Variants in CDK5RAP1 observed in about 807,000 individuals in gnomAD.
The protein encoded by CDK5RAP1 is mitochondrial tRNA methylthiotransferase CDK5RAP1.
A neutral mutation model predicts 64.5 loss-of-function variants in CDK5RAP1; 62 were observed. The observed-to-expected ratio is 0.96, with a 90% CI of 0.78 to 1.19. CDK5RAP1 has a LOEUF of 1.19. Among genes scored for constraint, CDK5RAP1 ranks in the 50% most tolerant of loss-of-function variants. CDK5RAP1 has a pLI of 0.00. For missense variants in CDK5RAP1, 657 were observed against 735.0 expected (o/e 0.89, Z 1.23); for synonymous variants, 250 against 261.9 (o/e 0.95, Z 0.44).
In CDK5RAP1 at chr20:33,363,381, T is replaced by C. The variant is rs78833831; in HGVS notation, c.1543-2890A>G. 9.6e-3 allele frequency among the ~76,000 whole-genome samples: 1,465 copies of C among 152,312 alleles called. 22 individuals carry two copies. Among genetic ancestry groups the C allele is most frequent in the African/African-American group, 0.034 (1,399 of 41,576 alleles). ...TACATGGGGTCTCAGGATTAGATGG[T>C]AGTAATCTAACAAGGTTAATTTCCT... On this transcript the variant is annotated intron_variant, in intron 12 of 13. Coordinates refer to ENST00000346416, the MANE Select transcript of CDK5RAP1 (RefSeq NM_016408.4).
At chr20:33,375,453 A>G (rs1193065064) in intron 8 of CDK5RAP1, among the ~76,000 whole-genome samples, 1 of 151,948 alleles carries the variant, frequency 6.6e-6, no homozygotes, top group Non-Finnish European at 1.5e-5. Flanking sequence ...AAGAGAACAC[A>G]TTCCAGTCTC....
Position 33,361,975 on chromosome 20 carries a change from A to AG in CDK5RAP1, c.1543-1485dup, listed in dbSNP as rs1491302706. On this transcript the variant is annotated intron_variant, in intron 12 of 13. Transcript: ENST00000346416. ...AGTCTCAAAAAAAAAAAAAAAAAAA[A>AG]GGAAGGAAGGGAGAGAGGGAGGGAA... Among the ~76,000 whole-genome samples the AG allele has an allele frequency of 2.1e-3, 300 of 144,210 alleles. 2 individuals are homozygous for AG. The highest frequency in any genetic ancestry group is 7.0e-3 in the Middle Eastern group (2 of 284). 94.6% of individuals were successfully genotyped at this position (144,210 alleles called of 152,430 possible).
chr20:33,401,203 A>T (rs771112412), intron 1 of CDK5RAP1, among the ~76,000 whole-genome samples: 21 of 152,246 alleles, frequency 1.4e-4, no homozygotes, highest in Non-Finnish European at 2.9e-4. Context: ...CGGGTGGCGA[A>T]GCGAAGCCTT....
intron 7 of CDK5RAP1, among the ~76,000 whole-genome samples, chr20:33,381,247 A>G (rs1986717162): frequency 6.6e-6 from 1 of 152,116 alleles, no homozygotes; most frequent in Non-Finnish European, 1.5e-5. Context: ...AGAAAAAGTC[A>G]CAGATATCAT....
In CDK5RAP1 at chr20:33,394,999, GGAAAT is replaced by G. The variant is rs751819369; in HGVS notation, c.408+9_408+13del. On this transcript the variant is annotated intron_variant, in intron 3 of 13. Coordinates refer to ENST00000346416, the MANE Select transcript of CDK5RAP1 (RefSeq NM_016408.4). ...CCAGGTCCAGGAAACAAAGGAAATA[GGAAAT>G]GCATGTACCTCTTGGAGGTTACTGG... is the stretch of plus-strand genomic sequence containing the variant. 2.0e-6 allele frequency: 3 copies of G among 1,466,864 alleles called. No individual in the cohort carries two copies. The East Asian group carries it at 6.8e-5, about 33-fold the overall frequency. The allele number at this position is 1,466,864 out of a possible 1,614,324, so 90.9% of individuals were successfully genotyped here.
intron 7 of CDK5RAP1, among the ~76,000 whole-genome samples, chr20:33,380,017 G>A (rs1481763460): frequency 6.6e-6 from 1 of 152,126 alleles, no homozygotes; most frequent in Non-Finnish European, 1.5e-5. Flanking sequence ...TATACACCAT[G>A]ACTATATAAA....
chr20:33,387,098 T>C (rs1006441168), intron 6 of CDK5RAP1, among the ~76,000 whole-genome samples: 6 of 151,652 alleles, frequency 4.0e-5, no homozygotes, highest in Non-Finnish European at 8.8e-5. Flanking sequence ...ACCCTATCTC[T>C]GTAAAAATTC....
At chr20:33,378,724 A>G (rs1295296725) in intron 8 of CDK5RAP1, among the ~76,000 whole-genome samples, 4 of 152,198 alleles carry the variant, frequency 2.6e-5, no homozygotes, top group Non-Finnish European at 5.9e-5. Context: ...CTGGTAAAAC[A>G]GTGGAAAAGC....
Position 33,358,904 on chromosome 20 carries a change from C to T in CDK5RAP1, c.*139G>A, listed in dbSNP as rs1057234974. 5 of 647,128 alleles carry T rather than the reference C, an allele frequency of 7.7e-6. No homozygotes were observed. Among genetic ancestry groups the T allele is most frequent in the Non-Finnish European group, 8.3e-6 (3 of 363,298 alleles). 40.1% of individuals were successfully genotyped at this position (647,128 alleles called of 1,614,324 possible). A position where few individuals can be genotyped will look rare whatever the true frequency, so the allele number is the denominator to read the frequency against. On this transcript the variant is annotated 3_prime_UTR_variant, in exon 14 of 14. Coordinates refer to ENST00000346416, the MANE Select transcript of CDK5RAP1 (RefSeq NM_016408.4). ...TTCACATAGCAGCTTTAAAGAGACA[C>T]GTTTTCCACTGACATAAAGTTGCTT...
At chr20:33,372,572 A>T in intron 10 of CDK5RAP1, 70 bp downstream of exon 10, 1 of 723,176 alleles carries the variant, frequency 1.4e-6, no homozygotes, top group Non-Finnish European at 2.2e-6. Context: ...AAAGGTGTTG[A>T]CTGTATCTAA....
intron 12 of CDK5RAP1, among the ~76,000 whole-genome samples, chr20:33,361,655 G>C (rs1982936943): frequency 6.7e-6 from 1 of 149,966 alleles, no homozygotes; most frequent in African/African-American, 2.5e-5. Flanking sequence ...ACTATCCAGA[G>C]AATAAAAAAG....
chr20:33,376,386 G>A (rs1292625039), intron 8 of CDK5RAP1, among the ~76,000 whole-genome samples: 1 of 152,124 alleles, frequency 6.6e-6, no homozygotes, highest in African/African-American at 2.4e-5. Context: ...GCCTGGGCTG[G>A]TGTCCAACTT....
At chr20:33,366,075 T>C (rs530411596) in intron 12 of CDK5RAP1, among the ~76,000 whole-genome samples, 2 of 152,258 alleles carry the variant, frequency 1.3e-5, no homozygotes, top group South Asian at 4.2e-4. Flanking sequence ...TCCCAGCTCT[T>C]TGGGAGGCCA....
intron 5 of CDK5RAP1, among the ~76,000 whole-genome samples, chr20:33,388,649 T>C (rs564795300): frequency 6.7e-6 from 1 of 149,420 alleles, no homozygotes; most frequent in African/African-American, 2.4e-5. Flanking sequence ...TCTCCCTCTC[T>C]TTCCACGGTC....
At chr20:33,380,015 A>T (rs1355722865) in intron 7 of CDK5RAP1, among the ~76,000 whole-genome samples, 1 of 152,212 alleles carries the variant, frequency 6.6e-6, no homozygotes, top group Non-Finnish European at 1.5e-5. Context: ...GTTATACACC[A>T]TGACTATATA....
intron 9 of CDK5RAP1, chr20:33,373,450 G>A (rs1600731084): frequency 6.6e-6 from 1 of 152,220 alleles, no homozygotes; most frequent in Non-Finnish European, 1.5e-5. Flanking sequence ...CACAGTGCCT[G>A]GCCAGCATAA....
intron 9 of CDK5RAP1, chr20:33,373,799 A>G (rs776724333): frequency 7.9e-5 from 25 of 318,106 alleles, no homozygotes; most frequent in Non-Finnish European, 1.2e-4. Flanking sequence ...AGCCTATGTT[A>G]TGGAGTTAGC....
At position 33,397,061 on chromosome 20, in the gene CDK5RAP1, G is replaced by T. The variant is rs934848867; in HGVS notation, c.4C>A (p.His2Asn). The T allele has an allele frequency of 6.2e-7, 1 of 1,603,012 alleles. No individual in the cohort carries two copies. The highest frequency in any genetic ancestry group is 1.7e-5 in the Admixed American group (1 of 58,744). ...ACTTGGAGGACACACTGTAAAGGGT[G>T]CATGGCACTAAACAGCCCACAGTCT... M[H>N]PLQCVLQVQR... The change falls in exon 2 of 14, where the codon CAC (histidine) becomes AAC (asparagine). Residue 2 changes from histidine to asparagine, a missense_variant. Coordinates refer to ENST00000346416, the MANE Select transcript of CDK5RAP1 (RefSeq NM_016408.4).
intron 10 of CDK5RAP1, among the ~76,000 whole-genome samples, chr20:33,370,939 C>T (rs920281254): frequency 4.6e-5 from 7 of 152,138 alleles, no homozygotes; most frequent in Non-Finnish European, 7.4e-5. Context: ...CCAGTGAAAA[C>T]CTTGTGGTGC....
Sources: gnomAD v4.1 joint callset for allele counts (sites outside exome capture counted in the v4.1 genomes callset) on GRCh38, gnomAD v4.1.1 for gene constraint, MANE v1.5 for transcripts, NCBI Gene and HGNC (gene_info 2026-07-23, HGNC 2026-07-21) for gene names.